ST6GAL1: variants seen among roughly 807,000 people sequenced by gnomAD.
The protein encoded by ST6GAL1 is ST6 beta-galactoside alpha-2,6-sialyltransferase 1.
Under a neutral mutation model 38.0 loss-of-function variants are expected in ST6GAL1, and 20 were observed. The ratio of observed to expected loss-of-function variants is 0.53; its 90% CI spans 0.37 to 0.77. ST6GAL1 has a LOEUF of 0.77. ST6GAL1 is among the 30% of genes least tolerant of loss of function. The pLI is 0.00. For missense variants in ST6GAL1, 432 were observed against 496.4 expected, an observed-to-expected ratio of 0.87 and a Z score of 1.23; for synonymous variants, 196 against 188.2, an observed-to-expected ratio of 1.04 and a Z score of -0.34.
chr3:187,039,121 C>A (rs1293502842), intron 3 of ST6GAL1, among the ~76,000 whole-genome samples: 1 of 152,148 alleles, frequency 6.6e-6, no homozygotes, highest in Non-Finnish European at 1.5e-5. Context: ...GTATTTCAGT[C>A]AACCATTCTG....
chr3:187,051,898 T>A (rs537296729), intron 5 of ST6GAL1, among the ~76,000 whole-genome samples: 1 of 152,298 alleles, frequency 6.6e-6, no homozygotes, highest in African/African-American at 2.4e-5. Context: ...TGAGAAATAT[T>A]CTTGCCACAG....
intron 2 of ST6GAL1, among the ~76,000 whole-genome samples, chr3:187,005,162 G>GT (rs1199746279): frequency 6.6e-6 from 1 of 151,764 alleles, no homozygotes; most frequent in Non-Finnish European, 1.5e-5. Flanking sequence ...GGATGTAGGC[G>GT]TAAGTGGGGT....
chr3:186,958,966 AATT>A (rs61541560), intron 1 of ST6GAL1, among the ~76,000 whole-genome samples: 75,205 of 113,354 alleles, frequency 0.66, 23,166 homozygotes, highest in Middle Eastern at 0.77. Flanking sequence ...AAAAAAAAAA[AATT>A]AAATAAATAA....
chr3:186,963,617 CCA>C (rs1420175544), intron 1 of ST6GAL1, among the ~76,000 whole-genome samples, 166 bp from the exon 2 acceptor site: 1 of 152,178 alleles, frequency 6.6e-6, no homozygotes, highest in Non-Finnish European at 1.5e-5. Context: ...TTGTACAACC[CCA>C]GAGGGATGAG....
chr3:187,047,869 A>G (rs138009729), intron 4 of ST6GAL1, among the ~76,000 whole-genome samples: 43 of 152,148 alleles, frequency 2.8e-4, no homozygotes, highest in African/African-American at 8.9e-4. Flanking sequence ...ACAATGCGCA[A>G]TGATCAGATT....
Position 187,076,616 on chromosome 3 carries a change from T to A in ST6GAL1, c.*813T>A, listed in dbSNP as rs1719570109. 1 of 387,848 alleles carries A rather than the reference T, an allele frequency of 2.6e-6. No individual in the cohort carries two copies. Among genetic ancestry groups the A allele is most frequent in the Non-Finnish European group, 4.5e-6 (1 of 220,104 alleles). 24.0% of individuals were successfully genotyped at this position (387,848 alleles called of 1,614,324 possible). The stretch of plus-strand genomic sequence containing the variant: ...GGAGGGCCACGCACTTAAAACTGTG[T>A]TTGTGGATCAGAGAAGGCTTTATAG... On this transcript the variant is annotated 3_prime_UTR_variant, in exon 8 of 8. Transcript: ENST00000169298.
At chr3:186,953,540 C>G (rs1366089244) in intron 1 of ST6GAL1, among the ~76,000 whole-genome samples, 8 of 152,294 alleles carry the variant, frequency 5.3e-5, no homozygotes. Flanking sequence ...GGCTCTCTCC[C>G]TTTTATCCTT....
chr3:186,961,837 T>G (rs1011373140), intron 1 of ST6GAL1, among the ~76,000 whole-genome samples: 1 of 152,184 alleles, frequency 6.6e-6, no homozygotes, highest in Non-Finnish European at 1.5e-5. Context: ...GGAGTCTTCC[T>G]TCCTGTTAAG....
At chr3:187,047,364 A>G (rs933342868) in intron 4 of ST6GAL1, among the ~76,000 whole-genome samples, 1 of 152,138 alleles carries the variant, frequency 6.6e-6, no homozygotes, top group African/African-American at 2.4e-5. Context: ...TTGAAAATAT[A>G]AAAGCGTTTG....
At chr3:187,039,262 T>C (rs1397600622) in intron 3 of ST6GAL1, among the ~76,000 whole-genome samples, 1 of 152,224 alleles carries the variant, frequency 6.6e-6, no homozygotes, top group African/African-American at 2.4e-5. Context: ...AAGGTGATGA[T>C]GCAAGTCGCT....
intron 2 of ST6GAL1, among the ~76,000 whole-genome samples, chr3:187,018,400 T>C (rs1225950042): frequency 1.3e-5 from 2 of 150,872 alleles, no homozygotes; most frequent in African/African-American, 4.9e-5. Flanking sequence ...TAAAGGGGAG[T>C]TTATTAAGGA....
At chr3:187,056,234 C>T (rs946516659) in intron 5 of ST6GAL1, among the ~76,000 whole-genome samples, 1 of 152,134 alleles carries the variant, frequency 6.6e-6, no homozygotes, top group Non-Finnish European at 1.5e-5. Flanking sequence ...GAATACAGCA[C>T]ACTGATGGGT....
intron 1 of ST6GAL1, among the ~76,000 whole-genome samples, chr3:186,938,123 C>T (rs920931420): frequency 1.3e-5 from 2 of 152,176 alleles, no homozygotes; most frequent in African/African-American, 4.8e-5. Context: ...AATCTCTGTT[C>T]ATTTTCCAGA....
At chr3:186,984,951 C>T (rs2108540536) in intron 2 of ST6GAL1, among the ~76,000 whole-genome samples, 1 of 151,726 alleles carries the variant, frequency 6.6e-6, no homozygotes, top group South Asian at 2.1e-4. Flanking sequence ...CTCTGTCACC[C>T]AGGCTGAAGT....
chr3:186,974,091 A>G (rs1393336107), intron 2 of ST6GAL1, among the ~76,000 whole-genome samples: 2 of 152,222 alleles, frequency 1.3e-5, no homozygotes, highest in Non-Finnish European at 2.9e-5. Flanking sequence ...CTTCCTCGGG[A>G]AAGTGATTTC....
At position 187,009,600 on chromosome 3, in the gene ST6GAL1, C is replaced by T. The variant is rs927322560; in HGVS notation, c.-182-29142C>T. On this transcript the variant is annotated intron_variant, in intron 2 of 7. Transcript: ENST00000169298. ...TGAGCTATCACTGTGCCACTGTCCT[C>T]CAGCCTGGGTGACAGAGTGAGACCC... 6.3e-4 allele frequency among the ~76,000 whole-genome samples: 96 copies of T among 152,222 alleles called. 1 individual carries two copies. Among genetic ancestry groups the T allele is most frequent in the African/African-American group, 2.2e-3 (93 of 41,524 alleles).
intron 2 of ST6GAL1, among the ~76,000 whole-genome samples, chr3:186,979,928 G>C (rs1228932677): frequency 1.3e-5 from 2 of 152,160 alleles, no homozygotes; most frequent in South Asian, 4.1e-4. Context: ...ACTGTTGAGA[G>C]CTTACTATGT....
intron 2 of ST6GAL1, among the ~76,000 whole-genome samples, chr3:186,984,604 A>G (rs1258617234): frequency 6.6e-6 from 1 of 151,870 alleles, no homozygotes; most frequent in Admixed American, 6.6e-5. Context: ...TTCCTCCACT[A>G]TCTGCAACTC....
At position 186,952,486 on chromosome 3, in the gene ST6GAL1, A is replaced by G. The variant is rs1245786894; in HGVS notation, c.-324-11299A>G. Reference sequence around the variant, plus strand: ...CCTTCTCAGTTCCTTTTCTTGGCTCATTTTCTTTTCTTTTCTTTTCTTTTT... The same window carrying G: ...CCTTCTCAGTTCCTTTTCTTGGCTCGTTTTCTTTTCTTTTCTTTTCTTTTT... On this transcript the variant is annotated intron_variant, in intron 1 of 7. Coordinates refer to ENST00000169298, the MANE Select transcript of ST6GAL1 (RefSeq NM_173216.2). The surrounding 1 kb of genome is among the most constrained non-coding windows in gnomAD (Gnocchi z 4.1). Among the ~76,000 whole-genome samples, 1 of 151,160 alleles carries G rather than the reference A, an allele frequency of 6.6e-6. No homozygotes were observed. Among genetic ancestry groups the G allele is most frequent in the Non-Finnish European group, 1.5e-5 (1 of 67,840 alleles).
Sources: allele counts gnomAD v4.1 joint callset (sites outside exome capture counted in the v4.1 genomes callset), GRCh38; gene constraint gnomAD v4.1.1; non-coding constraint Gnocchi (gnomAD v3.1); transcripts MANE v1.5; gene names NCBI Gene and HGNC (gene_info 2026-07-23, HGNC 2026-07-21).